Variants in ITGB6 observed in about 807,000 individuals in gnomAD.
The protein encoded by ITGB6 is integrin subunit beta 6, also known as integrin beta-6.
ITGB6 carries 80 observed loss-of-function variants against 84.5 expected under a neutral mutation model. That is an observed-to-expected ratio of 0.95 (90% CI 0.79 to 1.14). The LOEUF is 1.14. ITGB6 is among the 50% of genes most tolerant of loss of function. The pLI is 0.00. For synonymous variants in ITGB6, 383 were observed against 354.9 expected (o/e 1.08, Z -0.89); for missense variants, 1,006 against 968.0 (o/e 1.04, Z -0.52).
At chr2:160,193,633 C>T (rs760968611) in intron 4 of ITGB6, among the ~76,000 whole-genome samples, 6 of 152,178 alleles carry the variant, frequency 3.9e-5, no homozygotes, top group African/African-American at 4.8e-5. Context: ...AAAGGAGTTG[C>T]GAGGGAGTGG....
chr2:160,196,984 G>A (rs1262018357), intron 2 of ITGB6, among the ~76,000 whole-genome samples: 2 of 152,074 alleles, frequency 1.3e-5, no homozygotes, highest in Non-Finnish European at 2.9e-5. Context: ...AGCACTCTCT[G>A]CCAGTTGTAT....
intron 7 of ITGB6, among the ~76,000 whole-genome samples, chr2:160,152,250 A>G (rs1375012416): frequency 2.6e-5 from 4 of 152,208 alleles, no homozygotes; most frequent in Non-Finnish European, 4.4e-5. Flanking sequence ...CTTATCCACC[A>G]TGATCAAGTT....
chr2:160,182,905 G>A (rs1020790894), intron 4 of ITGB6, among the ~76,000 whole-genome samples: 13 of 152,254 alleles, frequency 8.5e-5, no homozygotes, highest in Middle Eastern at 3.4e-3. Context: ...CTTCATAAGC[G>A]AAGGAGAAAT....
Position 160,195,581 on chromosome 2 carries a change from C to A in ITGB6, c.381G>T (p.Gln127His). 6.2e-7 allele frequency: 1 copy of A among 1,614,114 alleles called. No homozygotes were observed. The highest frequency in any genetic ancestry group is 1.1e-5 in the South Asian group (1 of 91,060). ...GAQTLQVHVR[Q>H]TEDYPVDLYY... The stretch of plus-strand genomic sequence containing the variant: ...ACAAATCCACCGGGTAGTCCTCAGT[C>A]TGGCGGACATGCACCTGCAGAGTCT... The change falls in exon 4 of 15, where the codon CAG (glutamine) becomes CAT (histidine). Residue 127 changes from glutamine to histidine, a missense_variant. By Grantham distance (24) the Gln-to-His change is conservative. Transcript: ENST00000283249.
intron 4 of ITGB6, among the ~76,000 whole-genome samples, chr2:160,174,959 C>T (rs181522300): frequency 1.3e-3 from 204 of 152,364 alleles, no homozygotes; most frequent in African/African-American, 4.8e-3. Context: ...TGAACCCCTA[C>T]CCAAGACCTG....
intron 7 of ITGB6, among the ~76,000 whole-genome samples, chr2:160,152,776 A>G (rs1040572537): frequency 2.0e-5 from 3 of 152,240 alleles, no homozygotes; most frequent in Non-Finnish European, 2.9e-5. Flanking sequence ...CAATGTCCAA[A>G]AATCACAAGC....
intron 4 of ITGB6, among the ~76,000 whole-genome samples, chr2:160,188,151 C>T (rs141459903): frequency 6.0e-4 from 92 of 152,266 alleles, no homozygotes; most frequent in East Asian, 2.9e-3. Flanking sequence ...AAAAATCCTA[C>T]GCTCTTTCCT....
chr2:160,130,031 G>A (rs4580348), intron 10 of ITGB6, among the ~76,000 whole-genome samples: 84,628 of 151,626 alleles, frequency 0.56, 25,313 homozygotes, highest in Admixed American at 0.68. Flanking sequence ...TCATCATTGT[G>A]TAAACACCAT....
chr2:160,169,011 T>G (rs1685104787), intron 7 of ITGB6, among the ~76,000 whole-genome samples: 1 of 152,198 alleles, frequency 6.6e-6, no homozygotes, highest in East Asian at 1.9e-4. Flanking sequence ...CCTTATTAGT[T>G]CCCCATGCCC....
At chr2:160,139,902 A>G (rs763867850) in intron 8 of ITGB6, among the ~76,000 whole-genome samples, 4 of 152,212 alleles carry the variant, frequency 2.6e-5, no homozygotes, top group Non-Finnish European at 5.9e-5. Flanking sequence ...AATGATGATC[A>G]GATAAGTACA....
chr2:160,197,000 G>T (rs1278017645), intron 2 of ITGB6, among the ~76,000 whole-genome samples: 1 of 151,984 alleles, frequency 6.6e-6, no homozygotes, highest in African/African-American at 2.4e-5. Context: ...TGTATGCATC[G>T]GTCTGTTACC....
At chr2:160,104,120 C>G (rs955185172) in intron 14 of ITGB6, among the ~76,000 whole-genome samples, 8 of 152,180 alleles carry the variant, frequency 5.3e-5, no homozygotes, top group African/African-American at 7.2e-5. Flanking sequence ...CCTTGCAATA[C>G]TGGTTTAGGG....
intron 6 of ITGB6, among the ~76,000 whole-genome samples, chr2:160,170,842 G>T (rs905000203): frequency 1.3e-5 from 2 of 152,194 alleles, no homozygotes; most frequent in South Asian, 4.1e-4. Flanking sequence ...AATAAGTAGT[G>T]TTAGCTTTTA....
intron 7 of ITGB6, 95 bp from the exon 8 acceptor site, chr2:160,142,166 A>T: frequency 1.4e-6 from 1 of 711,374 alleles, no homozygotes. Flanking sequence ...GCCTCTATTT[A>T]ACTGGCCAGG....
chr2:160,143,437 C>T (rs1002866129), intron 7 of ITGB6, among the ~76,000 whole-genome samples: 2 of 152,112 alleles, frequency 1.3e-5, no homozygotes, highest in African/African-American at 4.8e-5. Flanking sequence ...CTACCTTCTC[C>T]TTGGTGAGCT....
intron 7 of ITGB6, among the ~76,000 whole-genome samples, chr2:160,145,103 C>T (rs1198442435): frequency 6.6e-6 from 1 of 152,090 alleles, no homozygotes; most frequent in African/African-American, 2.4e-5. Flanking sequence ...TCTTAACGCA[C>T]TATTATAAAT....
intron 13 of ITGB6, among the ~76,000 whole-genome samples, chr2:160,108,907 A>G (rs1455538074): frequency 6.6e-6 from 1 of 152,220 alleles, no homozygotes; most frequent in Non-Finnish European, 1.5e-5. Context: ...TTCTTAATGA[A>G]ACATTATAAT....
At chr2:160,128,157 G>C (rs962752282) in intron 10 of ITGB6, among the ~76,000 whole-genome samples, 4 of 151,586 alleles carry the variant, frequency 2.6e-5, no homozygotes, top group Admixed American at 6.6e-5. Flanking sequence ...GCAGGCTAAT[G>C]AATACTACTA....
chr2:160,186,725 T>C (rs1685913339), intron 4 of ITGB6, among the ~76,000 whole-genome samples: 1 of 152,114 alleles, frequency 6.6e-6, no homozygotes, highest in South Asian at 2.1e-4. Context: ...CAAATGTCCA[T>C]CAATGATAGA....
Sources: gnomAD v4.1 joint callset for allele counts (sites outside exome capture counted in the v4.1 genomes callset) on GRCh38, gnomAD v4.1.1 for gene constraint, MANE v1.5 for transcripts, NCBI Gene and HGNC (gene_info 2026-07-23, HGNC 2026-07-21) for gene names.